Variants in ASMTL observed in about 807,000 individuals in gnomAD.
ASMTL encodes probable bifunctional dTTP/UTP pyrophosphatase/methyltransferase protein.
In ASMTL, 57 loss-of-function variants were observed where a neutral mutation model predicts 60.3. The ratio of observed to expected loss-of-function variants is 0.95; its 90% CI spans 0.76 to 1.18. The LOEUF is 1.18. ASMTL is among the 50% of genes most tolerant of loss of function. The pLI is 0.00. For synonymous variants in ASMTL, 419 were observed against 373.0 expected (o/e 1.12, Z -1.42); for missense variants, 981 against 852.6 (o/e 1.15, Z -1.88).
chrX:1,452,972 G>A, upstream of ASMTL: 1 of 678,590 alleles, frequency 1.5e-6, no homozygotes, highest in South Asian at 2.1e-5. Flanking sequence ...GCCTCCGCGA[G>A]GCCACGCCCA....
At chrX:1,404,327 T>A (rs1277443575) in intron 12 of ASMTL, among the ~76,000 whole-genome samples, 1 of 149,452 alleles carries the variant, frequency 6.7e-6, no homozygotes, top group Admixed American at 6.7e-5. Context: ...CATAGATAGA[T>A]GAATGGATGG....
At chrX:1,405,021 A>ATGG (rs2089756394) in intron 12 of ASMTL, among the ~76,000 whole-genome samples, 1 of 121,168 alleles carries the variant, frequency 8.3e-6, no homozygotes. Context: ...TAGATGGATG[A>ATGG]ATGGATGAAT....
intron 3 of ASMTL, 103 bp downstream of exon 3, chrX:1,438,994 C>A: frequency 7.8e-7 from 1 of 1,278,950 alleles, no homozygotes. Flanking sequence ...AGCGAGTCCA[C>A]TGCTGTCTTA....
At chrX:1,452,704 C>G (rs756843718) in intron 1 of ASMTL, 44 bp downstream of exon 1, 1 of 1,511,982 alleles carries the variant, frequency 6.6e-7, no homozygotes, top group Admixed American at 1.9e-5. Flanking sequence ...GGGGTTCAGC[C>G]CCTCCGTCCC....
chrX:1,435,298 C>A (rs1428956158), intron 4 of ASMTL: 3 of 640,330 alleles, frequency 4.7e-6, no homozygotes, highest in African/African-American at 3.6e-5. Context: ...GTGGCCCTGA[C>A]GGGAGGCGCC....
In ASMTL at chrX:1,435,078, C is replaced by T. The variant is rs1267687108; in HGVS notation, c.344G>A (p.Ser115Asn). The change falls in exon 5 of 13, where the codon AGT (serine) becomes AAT (asparagine). Residue 115 changes from serine (S) to asparagine (N), a missense_variant. Physicochemically the swap from Ser to Asn is conservative, Grantham distance 46. Transcript: ENST00000381317. ...QDAYRMLSRL[S>N]GREHSVFTGV... Reference sequence around the variant, plus strand: ...TGTGAACACGCTGTGTTCTCTCCCACTCAACCTGTAAGACAACAACGGGTG... The same window carrying T: ...TGTGAACACGCTGTGTTCTCTCCCATTCAACCTGTAAGACAACAACGGGTG... 7 of 1,613,900 alleles carry T rather than the reference C, an allele frequency of 4.3e-6. No individual in the cohort carries two copies. The African/African-American group carries it at 6.7e-5, about 15-fold the overall frequency.
intron 12 of ASMTL, among the ~76,000 whole-genome samples, chrX:1,412,252 G>A (rs1489030589): frequency 2.6e-5 from 4 of 151,810 alleles, no homozygotes; most frequent in East Asian, 1.9e-4. Flanking sequence ...TTTTGACACC[G>A]AATCTCACTC....
intron 7 of ASMTL, 47 bp from the exon 8 acceptor site, chrX:1,425,734 A>G (rs2090598068): frequency 1.3e-6 from 2 of 1,584,866 alleles, no homozygotes. Context: ...CTTGTCCAGT[A>G]CTTTCTACTC....
chrX:1,416,385 GCACACA>G lies in ASMTL; in HGVS notation c.1522+1582_1522+1587del, dbSNP rs761919176. ...CACAGACGCAGACATGCACAGATGG[GCACACA>G]CACACACGGACATACAGATACACCA... On this transcript the variant is annotated intron_variant, in intron 11 of 12. Coordinates refer to ENST00000381317, the MANE Select transcript of ASMTL (RefSeq NM_004192.4). 6.0e-5 allele frequency among the ~76,000 whole-genome samples: 7 copies of G among 117,166 alleles called. No individual in the cohort carries two copies. In the East Asian group the frequency reaches 1.5e-3, roughly 25 times the overall value. The allele number at this position is 117,166 out of a possible 152,430, so 76.9% of individuals were successfully genotyped here.
chrX:1,430,384 G>A (rs1346845574), intron 6 of ASMTL, among the ~76,000 whole-genome samples: 1 of 152,092 alleles, frequency 6.6e-6, no homozygotes, highest in Non-Finnish European at 1.5e-5. Context: ...CCTGTGGTAT[G>A]TGTCTTCTTC....
intron 1 of ASMTL, 88 bp downstream of exon 1, chrX:1,452,660 C>T: frequency 3.6e-6 from 4 of 1,116,664 alleles, no homozygotes; most frequent in African/African-American, 1.6e-5. Context: ...TCTCCCATCC[C>T]TATCCCTAGA....
intron 12 of ASMTL, among the ~76,000 whole-genome samples, chrX:1,411,806 C>CTTT (rs756437483): frequency 0.019 from 1,664 of 86,156 alleles, 19 homozygotes; most frequent in Non-Finnish European, 0.021. Flanking sequence ...TTAGGATTTT[C>CTTT]TTTTTTTTTT....
chrX:1,437,556 C>A (rs1297343694), intron 3 of ASMTL, among the ~76,000 whole-genome samples: 1 of 152,030 alleles, frequency 6.6e-6, no homozygotes, highest in Admixed American at 6.6e-5. Context: ...ATGTCTTAGT[C>A]CATTTCAGGC....
At chrX:1,436,932 G>A (rs764083541) in intron 3 of ASMTL, among the ~76,000 whole-genome samples, 7 of 152,298 alleles carry the variant, frequency 4.6e-5, no homozygotes, top group South Asian at 2.1e-4. Context: ...TCCCATCGTC[G>A]TGGAGACTGG....
At chrX:1,413,140 A>T (rs1390030194) in intron 11 of ASMTL, 2 of 422,224 alleles carry the variant, frequency 4.7e-6, no homozygotes, top group Non-Finnish European at 8.8e-6. Flanking sequence ...AGGTGGGCAG[A>T]TTGTCTGAGC....
Position 1,403,456 on chromosome X carries a change from T to C in ASMTL, c.1679A>G (p.Asp560Gly). 1 of 1,613,082 alleles carries C rather than the reference T, an allele frequency of 6.2e-7. No individual in the cohort carries two copies. The highest frequency in any genetic ancestry group is 1.3e-5 in the African/African-American group (1 of 75,044). Residue 560 changes from aspartate to glycine, a missense_variant, in exon 13 of 13, where the codon GAT becomes GGT. Physicochemically the swap from Asp to Gly is moderately conservative, Grantham distance 94. Transcript: ENST00000381317. ...AGLLLVETLLDEEKRVAQRAL... is the reference protein window; with the variant it reads ...AGLLLVETLLGEEKRVAQRAL... ...GCGCTGCGCCACCCTCTTCTCCTCA[T>C]CCAGGAGCGTCTCCACCAGCAGCAG... is the stretch of plus-strand genomic sequence containing the variant.
chrX:1,415,030 TC>T (rs1277803571), intron 11 of ASMTL, among the ~76,000 whole-genome samples: 10 of 148,532 alleles, frequency 6.7e-5, no homozygotes, highest in Non-Finnish European at 1.5e-5. Context: ...AAGCTCCGCC[TC>T]CCGGGTTCAA....
intron 6 of ASMTL, among the ~76,000 whole-genome samples, chrX:1,431,187 A>G (rs2090771288): frequency 7.9e-6 from 1 of 126,356 alleles, no homozygotes; most frequent in Non-Finnish European, 1.6e-5. Flanking sequence ...TTATAATTAT[A>G]TATAATTATA....
chrX:1,451,189 ACACTCCTCCCTCCCCATCCCTAAGGGGGT>A (rs2091371107), intron 1 of ASMTL, among the ~76,000 whole-genome samples: 1 of 3,312 alleles, frequency 3.0e-4, no homozygotes, highest in Admixed American at 2.1e-3. Context: ...GGGTCCTGGG[ACACTCCTCCCTCCCCATCCCTAAGGGGGT>A]CCCAGGTCAC....
Sources: gnomAD v4.1 joint callset for allele counts (sites outside exome capture counted in the v4.1 genomes callset) on GRCh38, gnomAD v4.1.1 for gene constraint, MANE v1.5 for transcripts, NCBI Gene and HGNC (gene_info 2026-07-23, HGNC 2026-07-21) for gene names.